Variants in PCMT1 observed in about 807,000 individuals in gnomAD.
PCMT1 encodes protein-L-isoaspartate (D-aspartate) O-methyltransferase, also known as protein-L-isoaspartate(D-aspartate) O-methyltransferase.
Under a neutral mutation model 29.2 loss-of-function variants are expected in PCMT1, and 9 were observed. The ratio of observed to expected loss-of-function variants is 0.31; its 90% CI spans 0.19 to 0.54. PCMT1 has a LOEUF of 0.54. Ranked by LOEUF, PCMT1 falls within the 20% of genes least tolerant of loss-of-function variation. The probability of loss-of-function intolerance (pLI) is 0.95; values close to 1 mark genes in which losing one functional copy is unlikely to be tolerated. For synonymous variants in PCMT1, 98 were observed against 97.5 expected (o/e 1.00, Z -0.03); for missense variants, 184 against 282.2 (o/e 0.65, Z 2.49).
At chr6:149,784,836 T>A (rs9766525) in intron 3 of PCMT1, among the ~76,000 whole-genome samples, 3 of 146,668 alleles carry the variant, frequency 2.0e-5, no homozygotes, top group Non-Finnish European at 4.5e-5. Flanking sequence ...CCCTGGATAC[T>A]TTATTATAAA....
intron 1 of PCMT1, among the ~76,000 whole-genome samples, chr6:149,762,525 A>C (rs1328298740): frequency 3.7e-5 from 1 of 27,110 alleles, no homozygotes; most frequent in Non-Finnish European, 4.7e-5. Flanking sequence ...TATGATATAT[A>C]TATCTATGAT....
chr6:149,787,369 A>AT (rs1189480544), intron 3 of PCMT1, among the ~76,000 whole-genome samples: 7,016 of 140,760 alleles, frequency 0.05, 565 homozygotes, highest in African/African-American at 0.17. Context: ...AATAGTTATA[A>AT]TTTTTTTTTT....
intron 1 of PCMT1, among the ~76,000 whole-genome samples, chr6:149,762,249 T>C (rs1463541121): frequency 6.6e-6 from 1 of 151,886 alleles, no homozygotes; most frequent in African/African-American, 2.4e-5. Flanking sequence ...GTCTCCTTTT[T>C]GAATCCTGTT....
chr6:149,800,723 G>A (rs989878890), intron 6 of PCMT1, among the ~76,000 whole-genome samples: 8 of 152,112 alleles, frequency 5.3e-5, no homozygotes, highest in Admixed American at 1.3e-4. Flanking sequence ...CAATTGAATC[G>A]TATAACTAGG....
chr6:149,795,037 A>G (rs1390289568), intron 5 of PCMT1: 3 of 350,980 alleles, frequency 8.5e-6, no homozygotes, highest in Non-Finnish European at 1.7e-5. Flanking sequence ...TACTAAAAAT[A>G]CAGAAATAAG....
intron 5 of PCMT1, chr6:149,795,374 G>A: frequency 5.0e-6 from 2 of 402,950 alleles, no homozygotes; most frequent in South Asian, 4.5e-5. Flanking sequence ...GATAATAGCT[G>A]TTAAGATATC....
At chr6:149,766,877 G>T (rs573429585) in intron 1 of PCMT1, among the ~76,000 whole-genome samples, 1 of 152,218 alleles carries the variant, frequency 6.6e-6, no homozygotes, top group East Asian at 1.9e-4. Flanking sequence ...GAATCATGTA[G>T]TCTCCTCACC....
chr6:149,751,115 G>A (rs1462439824), intron 1 of PCMT1, among the ~76,000 whole-genome samples: 1 of 152,100 alleles, frequency 6.6e-6, no homozygotes, highest in Non-Finnish European at 1.5e-5. Flanking sequence ...TCAGGAGTTC[G>A]AGACCAGCCA....
At chr6:149,759,702 C>A (rs1786664162) in intron 1 of PCMT1, among the ~76,000 whole-genome samples, 1 of 152,060 alleles carries the variant, frequency 6.6e-6, no homozygotes, top group Non-Finnish European at 1.5e-5. Context: ...ACCATATTGG[C>A]CAGGCTGGTC....
chr6:149,810,715 C>A lies in PCMT1; in HGVS notation c.*137C>A. On this transcript the variant is annotated 3_prime_UTR_variant, in exon 8 of 8. Coordinates refer to ENST00000464889, the MANE Select transcript of PCMT1 (RefSeq NM_001360452.2). Reference sequence around the variant, plus strand: ...TTTTTGAAAACCAACACCATCACAGCTTGTTTTGGACTTTGTTACACTGTT... The same window carrying A: ...TTTTTGAAAACCAACACCATCACAGATTGTTTTGGACTTTGTTACACTGTT... 1 of 996,186 alleles carries A rather than the reference C, an allele frequency of 1.0e-6. No individual in the cohort carries two copies. Among genetic ancestry groups the A allele is most frequent in the South Asian group, 1.4e-5 (1 of 70,652 alleles). The allele number at this position is 996,186 out of a possible 1,614,324, so 61.7% of individuals were successfully genotyped here. A position where few individuals can be genotyped will look rare whatever the true frequency, so the allele number is the denominator to read the frequency against.
At chr6:149,775,589 T>C (rs1011747340) in intron 3 of PCMT1, among the ~76,000 whole-genome samples, 3 of 151,904 alleles carry the variant, frequency 2.0e-5, no homozygotes, top group Admixed American at 1.3e-4. Flanking sequence ...GTTCCTGTAG[T>C]CCCAGCTACA....
At chr6:149,753,980 G>GT (rs1786426124) in intron 1 of PCMT1, among the ~76,000 whole-genome samples, 1 of 152,192 alleles carries the variant, frequency 6.6e-6, no homozygotes, top group African/African-American at 2.4e-5. Context: ...CTGGTCCAGG[G>GT]ACCACATTTT....
rs369007089 is a variant in PCMT1 at position 149,779,186 on chromosome 6, G to A, written c.192+6017G>A. The stretch of plus-strand genomic sequence containing the variant: ...GAGTTCTTGCTTCCCTCCCTAGCTC[G>A]GCTGTAAAGTCACAAAGTTGATAAG... On this transcript the variant is annotated intron_variant, in intron 3 of 7. Transcript: ENST00000464889. Among the ~76,000 whole-genome samples, 67 of 152,114 alleles carry A rather than the reference G, an allele frequency of 4.4e-4. 2 individuals are homozygous for A. The South Asian group carries it at 0.011, about 26-fold the overall frequency.
intron 1 of PCMT1, among the ~76,000 whole-genome samples, chr6:149,769,716 A>G (rs1200158416): frequency 2.6e-5 from 4 of 151,290 alleles, no homozygotes; most frequent in African/African-American, 9.7e-5. Flanking sequence ...CTCCCACCTC[A>G]GCCTCCTGAG....
chr6:149,774,559 A>G (rs1720133033), intron 3 of PCMT1, among the ~76,000 whole-genome samples: 2 of 127,946 alleles, frequency 1.6e-5, no homozygotes, highest in South Asian at 2.5e-4. Context: ...TTTTTTTGAG[A>G]CGGAGTTTCG....
chr6:149,790,087 C>A, intron 4 of PCMT1, 29 bp downstream of exon 4: 1 of 1,278,738 alleles, frequency 7.8e-7, no homozygotes, highest in South Asian at 1.3e-5. Context: ...ACTCTGGCCC[C>A]AACAGAAGAA....
chr6:149,756,117 G>A (rs939312590), intron 1 of PCMT1, among the ~76,000 whole-genome samples: 2 of 152,156 alleles, frequency 1.3e-5, no homozygotes, highest in Non-Finnish European at 2.9e-5. Context: ...GAGCAGCCAC[G>A]TTTATTCTGT....
At chr6:149,787,169 T>G (rs1280320707) in intron 3 of PCMT1, among the ~76,000 whole-genome samples, 1 of 146,554 alleles carries the variant, frequency 6.8e-6, no homozygotes, top group Non-Finnish European at 1.5e-5. Flanking sequence ...TCGCAGGCAC[T>G]CGGCAGGCTG....
chr6:149,758,651 T>C (rs1157343420), intron 1 of PCMT1, among the ~76,000 whole-genome samples: 1 of 152,186 alleles, frequency 6.6e-6, no homozygotes, highest in Non-Finnish European at 1.5e-5. Flanking sequence ...CATTGTAGTT[T>C]GTTAGAGATG....
Sources: gnomAD v4.1 joint callset for allele counts (sites outside exome capture counted in the v4.1 genomes callset) on GRCh38, gnomAD v4.1.1 for gene constraint, MANE v1.5 for transcripts, NCBI Gene and HGNC (gene_info 2026-07-23, HGNC 2026-07-21) for gene names.